The following DHRS12 variants were observed in gnomAD, a reference collection of about 807,000 sequenced individuals.
DHRS12 encodes the protein dehydrogenase/reductase SDR family member 12.
DHRS12 carries 29 observed loss-of-function variants against 32.1 expected under a neutral mutation model. That is an observed-to-expected ratio of 0.90 (90% CI 0.67 to 1.23). The LOEUF (loss-of-function observed/expected upper bound fraction) is 1.23. DHRS12 is among the 50% of genes most tolerant of loss of function. The probability of loss-of-function intolerance (pLI) is 0.00; values close to 1 mark genes in which losing one functional copy is unlikely to be tolerated. For missense variants in DHRS12, 330 were observed against 337.2 expected, an observed-to-expected ratio of 0.98 and a Z score of 0.17; for synonymous variants, 150 against 135.9, an observed-to-expected ratio of 1.10 and a Z score of -0.72.
At chr13:51,773,589 C>T (rs1482418324) in intron 6 of DHRS12, among the ~76,000 whole-genome samples, 3 of 152,080 alleles carry the variant, frequency 2.0e-5, no homozygotes, top group Non-Finnish European at 2.9e-5. Flanking sequence ...AGCCAAGAGC[C>T]GCCCAAAGGA....
At position 51,769,272 on chromosome 13, in the gene DHRS12, C is replaced by G. The variant is rs750092151; in HGVS notation, c.581G>C (p.Gly194Ala). The change falls in exon 8 of 9, where the codon GGG becomes GCG. Residue 194 changes from glycine to alanine, a missense_variant. Physicochemically the swap from Gly to Ala is moderately conservative, Grantham distance 60 (BLOSUM62 0). Transcript: ENST00000444610. ...DTPGVRQAMP[G>A]FHARFGDRLR... is the part of the protein sequence containing the mutation. ...GCGGTCCCCGAACCTGGCGTGGAAC[C>G]CCGGCATCGCCTGCCTCACACCTGG... The G allele has an allele frequency of 3.9e-5, 62 of 1,579,814 alleles. 2 individuals carry two copies. The South Asian group carries it at 7.1e-4, about 18-fold the overall frequency.
the DHRS12 span, chr13:51,759,750 T>C: frequency 3.1e-6 from 5 of 1,614,142 alleles, no homozygotes; most frequent in Non-Finnish European, 4.2e-6. Flanking sequence ...TTGTGGGATA[T>C]GACCCCAGTC....
chr13:51,759,840 A>T, the DHRS12 span: 2 of 1,488,886 alleles, frequency 1.3e-6, no homozygotes, highest in Non-Finnish European at 1.9e-6. Flanking sequence ...TCATTACCAG[A>T]GTGGTAAAGC....
In DHRS12 at chr13:51,773,933, G is replaced by T; in HGVS notation, c.465C>A (p.Asn155Lys). ...TCAGGAAACCCACCTCACTGACCTT[G>T]TTTTGTGCATAGACCATAGTTCCAT... Reference protein sequence around the residue: ...PFDGTMVYAQNKRQQVVLTER... With the variant: ...PFDGTMVYAQKKRQQVVLTER... Residue 155 changes from asparagine to lysine, a missense_variant, in exon 6 of 9, where the codon AAC becomes AAA. Coordinates refer to ENST00000444610, the MANE Select transcript of DHRS12 (RefSeq NM_001377533.1). 1 of 1,613,860 alleles carries T rather than the reference G, an allele frequency of 6.2e-7. No individual in the cohort carries two copies. The highest frequency in any genetic ancestry group is 2.2e-5 in the East Asian group (1 of 44,886).
intron 2 of DHRS12, among the ~76,000 whole-genome samples, chr13:51,794,419 G>A (rs561021186): frequency 3.7e-4 from 57 of 152,260 alleles, no homozygotes; most frequent in African/African-American, 1.3e-3. Flanking sequence ...GAAATGAGGC[G>A]GTATTTCATA....
chr13:51,771,280 C>A, intron 7 of DHRS12: 1 of 1,555,526 alleles, frequency 6.4e-7, no homozygotes, highest in Non-Finnish European at 8.7e-7. Flanking sequence ...CTGCAGAGAG[C>A]CCAGGTGAGC....
In DHRS12 at chr13:51,804,060, T is replaced by C. The variant is rs1460779192; in HGVS notation, c.-15A>G. ...CCCCGCCGCGCCGCCTTACTTGGTGTACTCGCGCAGCCCCTTGGCGAACCA... is the reference window on the plus strand; with the variant it reads ...CCCCGCCGCGCCGCCTTACTTGGTGCACTCGCGCAGCCCCTTGGCGAACCA... On this transcript the variant is annotated 5_prime_UTR_variant, in exon 1 of 9. Coordinates refer to ENST00000444610, the MANE Select transcript of DHRS12 (RefSeq NM_001377533.1). The C allele has an allele frequency of 4.0e-6, 6 of 1,483,898 alleles. No homozygotes were observed. The highest frequency in any genetic ancestry group is 4.6e-5 in the Admixed American group (2 of 43,798). The allele number at this position is 1,483,898 out of a possible 1,614,324, so 91.9% of individuals were successfully genotyped here. A position where few individuals can be genotyped will look rare whatever the true frequency, so the allele number is the denominator to read the frequency against.
intron 4 of DHRS12, among the ~76,000 whole-genome samples, chr13:51,783,711 CT>C (rs1248150851): frequency 6.6e-6 from 1 of 152,114 alleles, no homozygotes; most frequent in Non-Finnish European, 1.5e-5. Context: ...TCTTAGCCCC[CT>C]AGGTTGCCTT....
At chr13:51,785,962 C>T (rs1235646847) in intron 4 of DHRS12, among the ~76,000 whole-genome samples, 2 of 152,200 alleles carry the variant, frequency 1.3e-5, no homozygotes, top group Non-Finnish European at 2.9e-5. Flanking sequence ...CAAGAAAAGC[C>T]TTCAGTGCAG....
chr13:51,767,606 G>T (rs1219338315), downstream of DHRS12: 2 of 153,138 alleles, frequency 1.3e-5, no homozygotes, highest in African/African-American at 4.8e-5. Flanking sequence ...TAAATTAGAG[G>T]TTTTATCAAA....
chr13:51,755,442 A>C, the DHRS12 span: 1 of 1,614,224 alleles, frequency 6.2e-7, no homozygotes, highest in Non-Finnish European at 8.5e-7. Context: ...GGACAGTAAG[A>C]AAATTGGTCT....
chr13:51,767,385 C>CCTT (rs1369501875), downstream of DHRS12: 2 of 152,186 alleles, frequency 1.3e-5, no homozygotes. Flanking sequence ...CAGAAAAATC[C>CCTT]CTTCCTTGTG....
intron 2 of DHRS12, among the ~76,000 whole-genome samples, chr13:51,793,446 G>A (rs754225766): frequency 8.5e-5 from 13 of 152,130 alleles, no homozygotes; most frequent in East Asian, 1.9e-4. Context: ...AGCTGTAGTC[G>A]AATTTATTTC....
the DHRS12 span, among the ~76,000 whole-genome samples, chr13:51,755,647 TAGTGGTTGGTTCCCAGTAAGC>T: frequency 6.6e-6 from 1 of 152,202 alleles, no homozygotes; most frequent in Non-Finnish European, 1.5e-5. Context: ...TCAGTTTCTG[TAGTGGTTGGTTCCCAGTAAGC>T]AGTTAGGGAT....
At chr13:51,756,194 T>A in the DHRS12 span, 2 of 1,294,130 alleles carry the variant, frequency 1.5e-6, no homozygotes, top group Non-Finnish European at 2.1e-6. Flanking sequence ...ATGTGTTCCC[T>A]TTAGTTCTGG....
intron 2 of DHRS12, chr13:51,797,876 C>T (rs575105760): frequency 1.3e-6 from 2 of 1,535,926 alleles, no homozygotes; most frequent in South Asian, 1.2e-5. Context: ...TCTGCTGGGG[C>T]TTGATCTCGA....
At chr13:51,778,175 G>A (rs567895301) in intron 4 of DHRS12, among the ~76,000 whole-genome samples, 1 of 152,358 alleles carries the variant, frequency 6.6e-6, no homozygotes, top group Admixed American at 6.5e-5. Context: ...GTAGGCAAGT[G>A]CGGTGGCATT....
intron 5 of DHRS12, 156 bp from the exon 6 acceptor site, chr13:51,774,190 G>A (rs564392127): frequency 3.1e-4 from 189 of 614,208 alleles, no homozygotes; most frequent in Admixed American, 9.1e-4. Context: ...TTCTCCTACA[G>A]TACATGTATT....
chr13:51,786,698 G>A (rs1004157207), intron 4 of DHRS12, among the ~76,000 whole-genome samples: 1 of 152,216 alleles, frequency 6.6e-6, no homozygotes, highest in African/African-American at 2.4e-5. Context: ...GGGTGCTGAA[G>A]GCATTTTGCA....
Sources: gnomAD v4.1 joint callset for allele counts (sites outside exome capture counted in the v4.1 genomes callset) on GRCh38, gnomAD v4.1.1 for gene constraint, MANE v1.5 for transcripts, NCBI Gene and HGNC (gene_info 2026-07-23, HGNC 2026-07-21) for gene names.